Variants in FEZ1 observed in about 807,000 individuals in gnomAD.
FEZ1 encodes the protein fasciculation and elongation protein zeta-1.
A neutral mutation model predicts 49.3 loss-of-function variants in FEZ1; 20 were observed. The ratio of observed to expected loss-of-function variants is 0.41; its 90% CI spans 0.29 to 0.59. The LOEUF is 0.59. Ranked by LOEUF, FEZ1 falls within the 20% of genes least tolerant of loss-of-function variation. FEZ1 has a pLI of 0.36. For synonymous variants in FEZ1, 170 were observed against 180.9 expected (o/e 0.94, Z 0.48); for missense variants, 413 against 476.0 (o/e 0.87, Z 1.23).
chr11:125,468,814 G>T (rs1162008547), intron 3 of FEZ1, among the ~76,000 whole-genome samples: 2 of 152,160 alleles, frequency 1.3e-5, no homozygotes, highest in Non-Finnish European at 2.9e-5. Context: ...AGCATGGCGG[G>T]GCTATGTAAG....
chr11:125,447,083 G>A (rs1591577063), intron 9 of FEZ1, among the ~76,000 whole-genome samples: 2 of 152,134 alleles, frequency 1.3e-5, no homozygotes, highest in African/African-American at 4.8e-5. Flanking sequence ...TAGACAGTGA[G>A]CAATCCTCAA....
In FEZ1 at chr11:125,443,140, C is replaced by T. The variant is rs552991939; in HGVS notation, c.*2955G>A. Among the ~76,000 whole-genome samples, 1 of 152,226 alleles carries T rather than the reference C, an allele frequency of 6.6e-6. No homozygotes were observed. Among genetic ancestry groups the T allele is most frequent in the Admixed American group, 6.5e-5 (1 of 15,278 alleles). ...TATAGGCTGTATTTGCCAGACAGAC[C>T]TCTGACCTACCTAGGAGGGCTCCCT... is the stretch of plus-strand genomic sequence containing the variant. On this transcript the variant is annotated 3_prime_UTR_variant, in exon 10 of 10. Transcript: ENST00000278919.
At chr11:125,490,686 G>T (rs1346887593) in intron 1 of FEZ1, among the ~76,000 whole-genome samples, 1 of 151,962 alleles carries the variant, frequency 6.6e-6, no homozygotes, top group Non-Finnish European at 1.5e-5. Context: ...ACATAGTAAG[G>T]TCCCATCTCT....
At chr11:125,475,008 G>T (rs567242648) in intron 3 of FEZ1, among the ~76,000 whole-genome samples, 1 of 152,118 alleles carries the variant, frequency 6.6e-6, no homozygotes, top group Admixed American at 6.5e-5. Flanking sequence ...GCACAGTCAC[G>T]CCTGTAATCC....
At position 125,445,085 on chromosome 11, in the gene FEZ1, G is replaced by A. The variant is rs1363488485; in HGVS notation, c.*1010C>T. ...GCATCCGGGATACGAGGAGACCTTC[G>A]CCTGCTGGTTGGTCAAGGCTGGCAG... On this transcript the variant is annotated 3_prime_UTR_variant, in exon 10 of 10. Transcript: ENST00000278919. The surrounding 1 kb of genome is among the most constrained non-coding windows in gnomAD (Gnocchi z 4.4). 2.6e-5 allele frequency among the ~76,000 whole-genome samples: 4 copies of A among 152,302 alleles called. No individual in the cohort carries two copies. In the South Asian group the frequency reaches 8.3e-4, roughly 32 times the overall value.
At position 125,482,974 on chromosome 11, in the gene FEZ1, TAAAAAAAAAAAAAAAAAA is replaced by T. The variant is rs56169482; in HGVS notation, c.312-1359_312-1342del. Among the ~76,000 whole-genome samples the T allele has an allele frequency of 8.6e-3, 249 of 28,788 alleles. 4 individuals are homozygous for T. Among genetic ancestry groups the T allele is most frequent in the African/African-American group, 0.033 (242 of 7,436 alleles). The allele number at this position is 28,788 out of a possible 152,430, so 18.9% of individuals were successfully genotyped here. On this transcript the variant is annotated intron_variant, in intron 2 of 9. Coordinates refer to ENST00000278919, the MANE Select transcript of FEZ1 (RefSeq NM_005103.5). The stretch of plus-strand genomic sequence containing the variant: ...GCCTGGGTGACAGAACAAGACACTG[TAAAAAAAAAAAAAAAAAA>T]AAAAAAAAAAAACTAAAATATTAGA...
chr11:125,472,197 G>A (rs1164583357), intron 3 of FEZ1, among the ~76,000 whole-genome samples: 2 of 151,946 alleles, frequency 1.3e-5, no homozygotes, highest in Non-Finnish European at 2.9e-5. Flanking sequence ...CTAAAAAAAT[G>A]AGGGCAAATT....
chr11:125,492,335 G>T (rs1037920117), intron 1 of FEZ1, among the ~76,000 whole-genome samples: 1 of 152,176 alleles, frequency 6.6e-6, no homozygotes, highest in Non-Finnish European at 1.5e-5. Flanking sequence ...CTCTTTGAAG[G>T]TAACTATATT....
intron 2 of FEZ1, among the ~76,000 whole-genome samples, chr11:125,485,924 C>G (rs1446148871): frequency 6.6e-6 from 1 of 152,156 alleles, no homozygotes; most frequent in African/African-American, 2.4e-5. Context: ...CCAGCCTGGG[C>G]AACAGAGTGA....
chr11:125,484,734 G>A (rs908897339), intron 2 of FEZ1, among the ~76,000 whole-genome samples: 1 of 151,870 alleles, frequency 6.6e-6, no homozygotes, highest in Non-Finnish European at 1.5e-5. Flanking sequence ...CCATACGTAC[G>A]ATGATCCTGA....
rs184558018 is a variant in FEZ1 at position 125,479,845 on chromosome 11, C to T, written c.411+1689G>A. On this transcript the variant is annotated intron_variant, in intron 3 of 9. Coordinates refer to ENST00000278919, the MANE Select transcript of FEZ1 (RefSeq NM_005103.5). ...GTTGTTAATAAATTACTTAGTCTAA[C>T]GTATCCTGTTACAGCAGCCCAAACT... Among the ~76,000 whole-genome samples, 54 of 152,316 alleles carry T rather than the reference C, an allele frequency of 3.5e-4. No individual in the cohort carries two copies. In the East Asian group the frequency reaches 7.5e-3, roughly 21 times the overall value.
chr11:125,470,774 A>C (rs1957176540), intron 3 of FEZ1, among the ~76,000 whole-genome samples: 1 of 152,264 alleles, frequency 6.6e-6, no homozygotes, highest in Non-Finnish European at 1.5e-5. Context: ...AATCTTCAGG[A>C]AAAAATAAGG....
rs574013673 is a variant in FEZ1 at position 125,444,097 on chromosome 11, C to T, written c.*1998G>A. Among the ~76,000 whole-genome samples, 1 of 152,304 alleles carries T rather than the reference C, an allele frequency of 6.6e-6. No homozygotes were observed. Among genetic ancestry groups the T allele is most frequent in the Admixed American group, 6.5e-5 (1 of 15,302 alleles). ...TTCAGCCTTAGCACCAGTGAACTGC[C>T]GAACTGAATCCATGCCCTTTTATCA... On this transcript the variant is annotated 3_prime_UTR_variant, in exon 10 of 10. Coordinates refer to ENST00000278919, the MANE Select transcript of FEZ1 (RefSeq NM_005103.5).
intron 3 of FEZ1, among the ~76,000 whole-genome samples, chr11:125,472,255 A>G (rs530350797): frequency 3.9e-5 from 6 of 152,046 alleles, no homozygotes; most frequent in Non-Finnish European, 7.4e-5. Flanking sequence ...TAAGAGAGGG[A>G]ATCAATAAAC....
At chr11:125,485,142 G>A (rs2845846) in intron 2 of FEZ1, among the ~76,000 whole-genome samples, 72,788 of 152,020 alleles carry the variant, frequency 0.48, 18,475 homozygotes, top group East Asian at 0.62. Flanking sequence ...AGATTAAACA[G>A]GTTGCCTCAG....
At chr11:125,457,421 A>AT (rs1314968863) in intron 5 of FEZ1, among the ~76,000 whole-genome samples, 7 of 40,622 alleles carry the variant, frequency 1.7e-4, no homozygotes, top group African/African-American at 5.9e-4. Flanking sequence ...AAAAAAAAAA[A>AT]AAAAAAAAAT....
chr11:125,445,922 A>G lies in FEZ1; in HGVS notation c.*173T>C, dbSNP rs1218119785. On this transcript the variant is annotated 3_prime_UTR_variant, in exon 10 of 10. Transcript: ENST00000278919. The surrounding 1 kb of genome is among the most constrained non-coding windows in gnomAD (Gnocchi z 4.4). The stretch of plus-strand genomic sequence containing the variant: ...CTGCCCCATCATGCATCCAATGATT[A>G]CTAGCACTAGAAGCCAACGGCAAAG... The G allele has an allele frequency of 1.4e-6, 1 of 705,222 alleles. No individual in the cohort carries two copies. The highest frequency in any genetic ancestry group is 2.6e-6 in the Non-Finnish European group (1 of 380,722). 43.7% of individuals were successfully genotyped at this position (705,222 alleles called of 1,614,324 possible).
At position 125,443,994 on chromosome 11, in the gene FEZ1, G is replaced by A. The variant is rs1323712989; in HGVS notation, c.*2101C>T. Among the ~76,000 whole-genome samples, 2 of 152,236 alleles carry A rather than the reference G, an allele frequency of 1.3e-5. No individual in the cohort carries two copies. Among genetic ancestry groups the A allele is most frequent in the African/African-American group, 4.8e-5 (2 of 41,468 alleles). Reference sequence around the variant, plus strand: ...AGGAATTCACTGCTTCCCCTTTGCTGAGGCTGGTGAAAAACCCCGTCGCCG... The same window carrying A: ...AGGAATTCACTGCTTCCCCTTTGCTAAGGCTGGTGAAAAACCCCGTCGCCG... On this transcript the variant is annotated 3_prime_UTR_variant, in exon 10 of 10. Coordinates refer to ENST00000278919, the MANE Select transcript of FEZ1 (RefSeq NM_005103.5).
At position 125,455,881 on chromosome 11, in the gene FEZ1, C is replaced by T. The variant is rs1226455388; in HGVS notation, c.893G>A (p.Ser298Asn). The T allele has an allele frequency of 1.9e-6, 3 of 1,613,778 alleles. No individual in the cohort carries two copies. Among genetic ancestry groups the T allele is most frequent in the Non-Finnish European group, 2.5e-6 (3 of 1,179,988 alleles). Residue 298 changes from serine (S) to asparagine (N), a missense_variant, in exon 6 of 10, where the codon AGC (serine) becomes AAC (asparagine). Coordinates refer to ENST00000278919, the MANE Select transcript of FEZ1 (RefSeq NM_005103.5). ...MKKRRKEKGL[S>N]LQSSRIEKGN... is the part of the protein sequence containing the mutation. Reference sequence around the variant, plus strand: ...CTTCTCTATCCGGCTGCTCTGCAGGCTCAGCCCTTTCTCTTTCCGCCTCTT... The same window carrying T: ...CTTCTCTATCCGGCTGCTCTGCAGGTTCAGCCCTTTCTCTTTCCGCCTCTT...
Sources: gnomAD v4.1 joint callset for allele counts (sites outside exome capture counted in the v4.1 genomes callset) on GRCh38, gnomAD v4.1.1 for gene constraint, Gnocchi (gnomAD v3.1) non-coding constraint, MANE v1.5 for transcripts, NCBI Gene and HGNC (gene_info 2026-07-23, HGNC 2026-07-21) for gene names.